The following DLGAP2 variants were observed in gnomAD, a reference collection of about 807,000 sequenced individuals.
DLGAP2 encodes the protein disks large-associated protein 2.
In DLGAP2, 26 loss-of-function variants were observed where a neutral mutation model predicts 100.3. That is an observed-to-expected ratio of 0.26 (90% CI 0.19 to 0.36). The LOEUF (loss-of-function observed/expected upper bound fraction) is 0.36. DLGAP2 is among the 10% of genes least tolerant of loss of function. DLGAP2 has a pLI of 1.00. For missense variants in DLGAP2, 1,858 were observed against 1,453.2 expected (o/e 1.28, Z -4.53); for synonymous variants, 886 against 630.1 (o/e 1.41, Z -6.08).
chr8:1,378,809 G>C lies in DLGAP2; in HGVS notation c.106+119926G>C, dbSNP rs140259003. Among the ~76,000 whole-genome samples the C allele has an allele frequency of 2.1e-4, 32 of 152,306 alleles. 1 individual carries two copies. The highest frequency in any genetic ancestry group is 7.7e-4 in the African/African-American group (32 of 41,556). ...TTCTGGCGTTTCCTTCATTTCCCCA[G>C]ATTCTTTCAAATCCTGATTCTCTTC... On this transcript the variant is annotated intron_variant, in intron 3 of 14. Coordinates refer to ENST00000637795, the MANE Select transcript of DLGAP2 (RefSeq NM_001346810.2).
intron 2 of DLGAP2, among the ~76,000 whole-genome samples, chr8:1,021,845 C>G (rs1204662748): frequency 6.6e-6 from 1 of 152,138 alleles, no homozygotes; most frequent in Non-Finnish European, 1.5e-5. Context: ...CCGTCGGGTT[C>G]TGCCTGTGAC....
At chr8:1,557,288 G>A (rs887588648) in intron 5 of DLGAP2, among the ~76,000 whole-genome samples, 1 of 152,152 alleles carries the variant, frequency 6.6e-6, no homozygotes, top group African/African-American at 2.4e-5. Context: ...CAGCCGGGGG[G>A]CTCACAATAG....
At chr8:850,644 A>T (rs1186824429) in intron 1 of DLGAP2, among the ~76,000 whole-genome samples, 1 of 152,156 alleles carries the variant, frequency 6.6e-6, no homozygotes, top group African/African-American at 2.4e-5. Context: ...ACCTAGAAGA[A>T]AATTAGACCC....
chr8:1,693,061 TTATATATAAACA>T (rs1424239277), intron 13 of DLGAP2, among the ~76,000 whole-genome samples: 4 of 148,056 alleles, frequency 2.7e-5, no homozygotes, highest in Admixed American at 1.4e-4. Context: ...ATAGGTGTAT[TTATATATAAACA>T]TATATATTAA....
rs373258431 is a variant in DLGAP2 at position 1,524,769 on chromosome 8, C to T, written c.172+23338C>T. On this transcript the variant is annotated intron_variant, in intron 4 of 14. Transcript: ENST00000637795. ...TCGGACCAGCTTACAGTCTTCCCAC[C>T]GCCTTGCCACAGACCTGGGCTTTCT... 5.3e-4 allele frequency among the ~76,000 whole-genome samples: 80 copies of T among 152,266 alleles called. 1 individual carries two copies. Among genetic ancestry groups the T allele is most frequent in the South Asian group, 5.2e-3 (25 of 4,820 alleles).
At chr8:855,925 A>AC in intron 1 of DLGAP2, among the ~76,000 whole-genome samples, 1 of 151,726 alleles carries the variant, frequency 6.6e-6, no homozygotes, top group South Asian at 2.1e-4. Context: ...AAATCTAACC[A>AC]CCCCCCAACA....
intron 2 of DLGAP2, among the ~76,000 whole-genome samples, chr8:1,239,366 C>T (rs1246632514): frequency 6.1e-4 from 12 of 19,802 alleles, no homozygotes; most frequent in South Asian, 1.6e-3. Context: ...TCTCACATGG[C>T]GCCGTGTCTA....
intron 2 of DLGAP2, among the ~76,000 whole-genome samples, chr8:1,243,392 C>T (rs1036346187): frequency 4.6e-5 from 7 of 152,284 alleles, no homozygotes; most frequent in African/African-American, 9.6e-5. Flanking sequence ...TGGTGAGCGA[C>T]GGTCATTCCT....
intron 2 of DLGAP2, among the ~76,000 whole-genome samples, chr8:1,033,747 C>T (rs1434457764): frequency 2.0e-5 from 3 of 150,856 alleles, no homozygotes; most frequent in Non-Finnish European, 4.4e-5. Context: ...GGTTCACACA[C>T]TCATCCCGAC....
At chr8:1,509,142 C>T (rs1051840294) in intron 4 of DLGAP2, among the ~76,000 whole-genome samples, 10 of 151,888 alleles carry the variant, frequency 6.6e-5, no homozygotes, top group South Asian at 4.2e-4. Context: ...ACCATCCTGC[C>T]TAAAGCTGTA....
chr8:827,140 A>G (rs1209331292), intron 1 of DLGAP2, among the ~76,000 whole-genome samples: 2 of 152,222 alleles, frequency 1.3e-5, no homozygotes, highest in Non-Finnish European at 2.9e-5. Flanking sequence ...GGGATGCCAC[A>G]GAGCAGCCTA....
intron 8 of DLGAP2, among the ~76,000 whole-genome samples, chr8:1,640,153 G>A: frequency 6.6e-6 from 1 of 152,174 alleles, no homozygotes; most frequent in East Asian, 1.9e-4. Flanking sequence ...GACCCAAGGG[G>A]AACCCATTTC....
chr8:1,124,933 G>A (rs1182935541), intron 2 of DLGAP2, among the ~76,000 whole-genome samples: 5 of 152,178 alleles, frequency 3.3e-5, no homozygotes, highest in Admixed American at 1.3e-4. Context: ...CCTATACCGA[G>A]GAGGCATCGT....
At chr8:1,000,349 T>C (rs1038131260) in intron 2 of DLGAP2, among the ~76,000 whole-genome samples, 1 of 151,414 alleles carries the variant, frequency 6.6e-6, no homozygotes, top group Non-Finnish European at 1.5e-5. Flanking sequence ...GAGGTGGTTT[T>C]CTTTCGCACT....
chr8:1,649,859 G>A (rs554592309), intron 8 of DLGAP2, among the ~76,000 whole-genome samples: 5 of 152,176 alleles, frequency 3.3e-5, no homozygotes, highest in South Asian at 4.2e-4. Context: ...TTTGGTTTTG[G>A]AAGCCAGGAA....
rs574418678 is a variant in DLGAP2, at chr8:1,254,118, C to T, written c.74-4733C>T. 1.1e-4 allele frequency among the ~76,000 whole-genome samples: 16 copies of T among 152,330 alleles called. 1 individual carries two copies. In the South Asian group the frequency reaches 3.1e-3, roughly 30 times the overall value. The stretch of plus-strand genomic sequence containing the variant: ...CCATGGCCAGGGGGGCCAAGTTGAA[C>T]CCAGTGTGCCTGTGGGCTCAGCGCT... On this transcript the variant is annotated intron_variant, in intron 2 of 14. Coordinates refer to ENST00000637795, the MANE Select transcript of DLGAP2 (RefSeq NM_001346810.2).
chr8:1,410,494 C>G (rs901962319), intron 3 of DLGAP2, among the ~76,000 whole-genome samples: 1 of 152,218 alleles, frequency 6.6e-6, no homozygotes, highest in Non-Finnish European at 1.5e-5. Flanking sequence ...CATGGGGTCA[C>G]TAGAGGAAGG....
At chr8:1,057,873 G>C (rs1354950768) in intron 2 of DLGAP2, among the ~76,000 whole-genome samples, 2 of 152,070 alleles carry the variant, frequency 1.3e-5, no homozygotes, top group Non-Finnish European at 2.9e-5. Context: ...AAAAAAAAGA[G>C]GTTGCATTTC....
At chr8:1,119,605 C>T (rs1056370983) in intron 2 of DLGAP2, among the ~76,000 whole-genome samples, 2 of 152,230 alleles carry the variant, frequency 1.3e-5, no homozygotes, top group East Asian at 3.8e-4. Flanking sequence ...GGAACTGGTC[C>T]CACCACAGCA....
Sources: gnomAD v4.1 joint callset for allele counts (sites outside exome capture counted in the v4.1 genomes callset) on GRCh38, gnomAD v4.1.1 for gene constraint, MANE v1.5 for transcripts, NCBI Gene and HGNC (gene_info 2026-07-23, HGNC 2026-07-21) for gene names.